The following FAR2 variants were observed in gnomAD, a reference collection of about 807,000 sequenced individuals.
FAR2 encodes epididymis secretory protein Li 81.
A neutral mutation model predicts 56.0 loss-of-function variants in FAR2; 19 were observed. The ratio of observed to expected loss-of-function variants is 0.34; its 90% CI spans 0.24 to 0.50. The LOEUF is 0.50. Ranked by LOEUF, FAR2 falls within the 20% of genes least tolerant of loss-of-function variation. The pLI, the probability that FAR2 is intolerant of heterozygous loss-of-function variation, is 0.98. For synonymous variants in FAR2, 219 were observed against 218.8 expected (o/e 1.00, Z -0.01); for missense variants, 508 against 642.2 (o/e 0.79, Z 2.26).
chr12:29,194,520 G>GA (rs1565688112), intron 1 of FAR2, among the ~76,000 whole-genome samples: 4 of 61,260 alleles, frequency 6.5e-5, no homozygotes, highest in South Asian at 8.1e-4. Flanking sequence ...GGCTAGTGAT[G>GA]CCACACACAC....
intron 1 of FAR2, among the ~76,000 whole-genome samples, chr12:29,229,516 A>G (rs1161305506): frequency 2.2e-4 from 34 of 151,958 alleles, no homozygotes; most frequent in Admixed American, 2.2e-3. Context: ...AAAAGAAACT[A>G]AAGAAAAAAA....
chr12:29,155,443 A>G (rs2136572498), intron 1 of FAR2, among the ~76,000 whole-genome samples: 1 of 152,342 alleles, frequency 6.6e-6, no homozygotes, highest in East Asian at 1.9e-4. Flanking sequence ...AATGGAAGAA[A>G]CAGGTTCACA....
chr12:29,277,770 C>T (rs549884113), intron 2 of FAR2: 9 of 152,248 alleles, frequency 5.9e-5, no homozygotes, highest in Non-Finnish European at 1.3e-4. Flanking sequence ...TTGCATGCTT[C>T]TATCTGACTA....
intron 1 of FAR2, among the ~76,000 whole-genome samples, chr12:29,174,586 A>G (rs1346574157): frequency 6.7e-6 from 1 of 150,120 alleles, no homozygotes; most frequent in Admixed American, 6.6e-5. Context: ...ACGCCCGGCT[A>G]ATTTTTTGTA....
chr12:29,208,293 C>A (rs1947500138), intron 1 of FAR2, among the ~76,000 whole-genome samples: 1 of 152,192 alleles, frequency 6.6e-6, no homozygotes, highest in Non-Finnish European at 1.5e-5. Context: ...CAGAGTGTTT[C>A]AGTTCCTACC....
chr12:29,317,151 C>CCTG, intron 9 of FAR2, 139 bp downstream of exon 9: 2 of 866,038 alleles, frequency 2.3e-6, no homozygotes, highest in Non-Finnish European at 3.2e-6. Flanking sequence ...CACACCTAAT[C>CCTG]TGAAAATCCA....
At chr12:29,243,902 G>C (rs114043807) in intron 1 of FAR2, among the ~76,000 whole-genome samples, 7,956 of 152,188 alleles carry the variant, frequency 0.052, 486 homozygotes, top group African/African-American at 0.15. Flanking sequence ...TAAAAGATGA[G>C]AGACAAAGCA....
chr12:29,283,738 T>C (rs141433785), intron 2 of FAR2, among the ~76,000 whole-genome samples: 1 of 152,358 alleles, frequency 6.6e-6, no homozygotes, highest in East Asian at 1.9e-4. Context: ...AATGTGAACA[T>C]GCTCACCACA....
chr12:29,219,422 T>G (rs1266916578), intron 1 of FAR2, among the ~76,000 whole-genome samples: 1 of 152,186 alleles, frequency 6.6e-6, no homozygotes, highest in Non-Finnish European at 1.5e-5. Context: ...TTTATTTTCC[T>G]CATACTTTTA....
intron 6 of FAR2, among the ~76,000 whole-genome samples, chr12:29,310,322 G>A (rs1306549206): frequency 1.3e-5 from 2 of 152,148 alleles, no homozygotes; most frequent in African/African-American, 4.8e-5. Flanking sequence ...ACATAAGAAA[G>A]TGCTAATCGT....
intron 1 of FAR2, among the ~76,000 whole-genome samples, chr12:29,189,011 C>A (rs7296314): frequency 0.52 from 78,514 of 151,776 alleles, 20,723 homozygotes; most frequent in Admixed American, 0.63. Context: ...CACTTAGTTC[C>A]GGTAGTGCTT....
At chr12:29,291,333 C>T (rs1948963453) in intron 2 of FAR2, 3 of 454,490 alleles carry the variant, frequency 6.6e-6, no homozygotes, top group South Asian at 3.1e-5. Flanking sequence ...CTAGGTTACA[C>T]ACAAAACTAC....
At chr12:29,153,566 G>C (rs1949698388) in intron 1 of FAR2, among the ~76,000 whole-genome samples, 1 of 152,200 alleles carries the variant, frequency 6.6e-6, no homozygotes, top group South Asian at 2.1e-4. Context: ...AATTTAATTT[G>C]AGTGGGTTGC....
chr12:29,155,936 T>C (rs1949722707), intron 1 of FAR2, among the ~76,000 whole-genome samples: 1 of 152,208 alleles, frequency 6.6e-6, no homozygotes, highest in Admixed American at 6.5e-5. Flanking sequence ...TAAATTGACT[T>C]CCTAGTAGGT....
At chr12:29,273,874 T>C (rs1257311181) in intron 2 of FAR2, among the ~76,000 whole-genome samples, 1 of 152,016 alleles carries the variant, frequency 6.6e-6, no homozygotes, top group Non-Finnish European at 1.5e-5. Context: ...ACCACCTCCC[T>C]TGGCTGGGGA....
chr12:29,165,566 G>A (rs1047633515), intron 1 of FAR2, among the ~76,000 whole-genome samples: 2 of 152,132 alleles, frequency 1.3e-5, no homozygotes, highest in Admixed American at 1.3e-4. Context: ...GAATGCTTTG[G>A]GTGTTGAAAT....
At chr12:29,200,760 A>C (rs1320560196) in intron 1 of FAR2, among the ~76,000 whole-genome samples, 1 of 152,196 alleles carries the variant, frequency 6.6e-6, no homozygotes, top group Non-Finnish European at 1.5e-5. Context: ...CTAACCTTTG[A>C]TGTACCGTGG....
At chr12:29,291,282 C>A in intron 2 of FAR2, 1 of 407,014 alleles carries the variant, frequency 2.5e-6, no homozygotes, top group South Asian at 1.8e-5. Context: ...GTACCTGGAC[C>A]ATCAGATCCA....
intron 5 of FAR2, among the ~76,000 whole-genome samples, chr12:29,308,689 G>GACAC (rs57435586): frequency 4.4e-5 from 6 of 137,392 alleles, no homozygotes; most frequent in Admixed American, 1.5e-4. Flanking sequence ...CAGACACACA[G>GACAC]ACACACACAC....
Sources: allele counts gnomAD v4.1 joint callset (sites outside exome capture counted in the v4.1 genomes callset), GRCh38; gene constraint gnomAD v4.1.1; transcripts MANE v1.5; gene names NCBI Gene and HGNC (gene_info 2026-07-23, HGNC 2026-07-21).